SYS1: variants seen among roughly 807,000 people sequenced by gnomAD.
SYS1 encodes the protein SYS1 golgi trafficking protein, also known as protein SYS1 homolog.
Under a neutral mutation model 17.8 loss-of-function variants are expected in SYS1, and 8 were observed. The observed-to-expected ratio is 0.45, with a 90% CI of 0.26 to 0.81. SYS1 has a LOEUF of 0.81. Ranked by LOEUF, SYS1 falls within the 40% of genes least tolerant of loss-of-function variation. The pLI is 0.16. For missense variants in SYS1, 161 were observed against 203.9 expected (o/e 0.79, Z 1.28); for synonymous variants, 95 against 90.9 (o/e 1.05, Z -0.26).
downstream of SYS1, among the ~76,000 whole-genome samples, chr20:45,371,274 G>C (rs1202108972): frequency 6.6e-6 from 1 of 152,102 alleles, no homozygotes; most frequent in Non-Finnish European, 1.5e-5. Flanking sequence ...CGTGTAAAGC[G>C]CCTAGCCCAG....
In SYS1 at chr20:45,363,586, A is replaced by G; in HGVS notation, c.55A>G (p.Ile19Val). Reference sequence around the variant, plus strand: ...GGACCCGCTGCTGATCCTGTCGCAGATCGTCCTCATGCAGACCGTGTATTA... The same window carrying G: ...GGACCCGCTGCTGATCCTGTCGCAGGTCGTCCTCATGCAGACCGTGTATTA... ...VWDPLLILSQ[I>V]VLMQTVYYGS... is the part of the protein sequence containing the mutation. The change falls in exon 2 of 4, where the codon ATC becomes GTC. Residue 19 changes from isoleucine (I) to valine (V), a missense_variant. Physicochemically the swap from Ile to Val is conservative, Grantham distance 29. Transcript: ENST00000243918. The G allele has an allele frequency of 6.2e-7, 1 of 1,602,574 alleles. No homozygotes were observed. The highest frequency in any genetic ancestry group is 8.5e-7 in the Non-Finnish European group (1 of 1,175,058).
downstream of SYS1, chr20:45,374,093 G>T: frequency 7.6e-7 from 1 of 1,316,832 alleles, no homozygotes; most frequent in Non-Finnish European, 1.1e-6. Context: ...GCAGGGACAA[G>T]GGTGCTGTGG....
intron 2 of SYS1, 50 bp downstream of exon 2, chr20:45,363,743 C>A: frequency 1.3e-6 from 2 of 1,526,944 alleles, no homozygotes; most frequent in Non-Finnish European, 1.8e-6. Flanking sequence ...CCCGAGTAGG[C>A]TTTGTGGTCC....
downstream of SYS1, chr20:45,373,995 G>A (rs1485860051): frequency 1.9e-6 from 3 of 1,613,926 alleles, no homozygotes; most frequent in Non-Finnish European, 2.5e-6. Context: ...TCTGGCTCTC[G>A]TCCAGGTCAC....
downstream of SYS1, chr20:45,373,803 C>A: frequency 8.8e-7 from 1 of 1,139,904 alleles, no homozygotes; most frequent in East Asian, 2.4e-5. Context: ...CCTGAAGTCG[C>A]GACACAGGCT....
chr20:45,367,898 G>A lies in SYS1; in HGVS notation c.*783G>A, dbSNP rs371403063. On this transcript the variant is annotated 3_prime_UTR_variant, in exon 4 of 4. Coordinates refer to ENST00000243918, the MANE Select transcript of SYS1 (RefSeq NM_033542.4). ...AATGACCAGGCACCCAGCTCCCACT[G>A]GACTCCAATTTTTTTTCCTGCCTTA... is the stretch of plus-strand genomic sequence containing the variant. 4 of 985,696 alleles carry A rather than the reference G, an allele frequency of 4.1e-6. No individual in the cohort carries two copies. In the African/African-American group the frequency reaches 7.0e-5, roughly 17 times the overall value. The allele number at this position is 985,696 out of a possible 1,614,324, so 61.1% of individuals were successfully genotyped here. A position where few individuals can be genotyped will look rare whatever the true frequency, so the allele number is the denominator to read the frequency against.
At chr20:45,365,843 C>T in intron 3 of SYS1, 157 bp downstream of exon 3, 2 of 725,566 alleles carry the variant, frequency 2.8e-6, no homozygotes, top group Non-Finnish European at 2.5e-6. Context: ...TATAATGGGC[C>T]TCCTTCCATT....
chr20:45,365,473 A>G, intron 2 of SYS1, 146 bp from the exon 3 acceptor site: 1 of 814,054 alleles, frequency 1.2e-6, no homozygotes, highest in Non-Finnish European at 2.2e-6. Context: ...GAAAGCACCT[A>G]TTGGAAATAG....
chr20:45,368,999 C>A lies in SYS1; in HGVS notation c.*1884C>A. ...TGTTAATTTGATTTTTAGAAATGGC[C>A]AAAAGTCACGTGATCCAAACTTTTT... On this transcript the variant is annotated 3_prime_UTR_variant, in exon 4 of 4. Coordinates refer to ENST00000243918, the MANE Select transcript of SYS1 (RefSeq NM_033542.4). 4 of 632,676 alleles carry A rather than the reference C, an allele frequency of 6.3e-6. No homozygotes were observed. Among genetic ancestry groups the A allele is most frequent in the Non-Finnish European group, 7.9e-6 (4 of 507,296 alleles). The allele number at this position is 632,676 out of a possible 1,614,324, so 39.2% of individuals were successfully genotyped here. A position where few individuals can be genotyped will look rare whatever the true frequency, so the allele number is the denominator to read the frequency against.
downstream of SYS1, chr20:45,373,199 A>G (rs1988609727): frequency 6.6e-6 from 1 of 152,502 alleles, no homozygotes; most frequent in Admixed American, 6.5e-5. Flanking sequence ...CCCCGGCCAG[A>G]TGGGGTCGAC....
chr20:45,368,506 A>G lies in SYS1; in HGVS notation c.*1391A>G. On this transcript the variant is annotated 3_prime_UTR_variant, in exon 4 of 4. Transcript: ENST00000243918. ...TCAGTAACACAAATGAGTTTATGGT[A>G]ACACAAATGAGTTTTGCTATCTCTC... The G allele has an allele frequency of 3.0e-6, 3 of 985,448 alleles. No homozygotes were observed. The highest frequency in any genetic ancestry group is 3.6e-6 in the Non-Finnish European group (3 of 829,944). 61.0% of individuals were successfully genotyped at this position (985,448 alleles called of 1,614,324 possible).
exon 4 of SYS1, chr20:45,375,270 G>T (rs767216821): frequency 6.2e-7 from 1 of 1,614,146 alleles, no homozygotes; most frequent in Non-Finnish European, 8.5e-7. Context: ...GGGGGCCCTC[G>T]GTGAGTGGTT....
chr20:45,375,204 C>G, exon 4 of SYS1: 1 of 1,614,224 alleles, frequency 6.2e-7, no homozygotes. Context: ...CTACATCCAG[C>G]TGCTTCATGT....
At chr20:45,365,881 T>G (rs1988396689) in intron 3 of SYS1, 195 bp downstream of exon 3, 1 of 615,852 alleles carries the variant, frequency 1.6e-6, no homozygotes, top group African/African-American at 1.8e-5. Flanking sequence ...GGAAAGCTCT[T>G]ATGTCACTAT....
intron 1 of SYS1, 104 bp downstream of exon 1, chr20:45,363,419 C>G (rs1405997361): frequency 6.9e-7 from 1 of 1,456,522 alleles, no homozygotes; most frequent in Non-Finnish European, 9.1e-7. Context: ...CCCGCCTTCC[C>G]CCTGACTCTT....
downstream of SYS1, among the ~76,000 whole-genome samples, chr20:45,370,382 A>G (rs1988536864): frequency 6.6e-6 from 1 of 152,088 alleles, no homozygotes; most frequent in Admixed American, 6.5e-5. Flanking sequence ...TTTCCCACCC[A>G]CCACCTGAAC....
chr20:45,362,719 T>C (rs181666633), upstream of SYS1, among the ~76,000 whole-genome samples: 4 of 152,336 alleles, frequency 2.6e-5, no homozygotes, highest in South Asian at 6.2e-4. Context: ...TGAAACAGTA[T>C]GTTGCTTTCC....
intron 2 of SYS1, 140 bp from the exon 3 acceptor site, chr20:45,365,479 A>C: frequency 1.2e-6 from 1 of 837,798 alleles, no homozygotes; most frequent in Non-Finnish European, 2.1e-6. Context: ...ACCTATTGGA[A>C]ATAGGCTGCC....
downstream of SYS1, chr20:45,373,837 T>C: frequency 6.7e-7 from 1 of 1,495,866 alleles, no homozygotes; most frequent in Non-Finnish European, 9.3e-7. Context: ...GCCTCTTTCC[T>C]TCATCCTTCC....
Sources: allele counts gnomAD v4.1 joint callset (sites outside exome capture counted in the v4.1 genomes callset), GRCh38; gene constraint gnomAD v4.1.1; transcripts MANE v1.5; gene names NCBI Gene and HGNC (gene_info 2026-07-23, HGNC 2026-07-21).